The following STK32C variants were observed in gnomAD, a reference collection of about 807,000 sequenced individuals.
The protein encoded by STK32C is serine/threonine-protein kinase 32C.
STK32C carries 31 observed loss-of-function variants against 56.5 expected under a neutral mutation model. The ratio of observed to expected loss-of-function variants is 0.55; its 90% CI spans 0.41 to 0.74. STK32C has a LOEUF of 0.74. Among genes scored for constraint, STK32C ranks in the 30% least tolerant of loss-of-function variants. The pLI, the probability that STK32C is intolerant of heterozygous loss-of-function variation, is 0.00. For missense variants in STK32C, 544 were observed against 676.9 expected (o/e 0.80, Z 2.18); for synonymous variants, 309 against 289.4 (o/e 1.07, Z -0.69).
chr10:132,261,153 C>T (rs754666965), intron 1 of STK32C, among the ~76,000 whole-genome samples: 7 of 152,164 alleles, frequency 4.6e-5, no homozygotes, highest in Non-Finnish European at 8.8e-5. Context: ...GCGGAGGACT[C>T]GGGGACTACG....
chr10:132,224,621 C>G, intron 7 of STK32C, 98 bp from the exon 8 acceptor site: 1 of 844,870 alleles, frequency 1.2e-6, no homozygotes, highest in Non-Finnish European at 1.9e-6. Flanking sequence ...AGGACCCCCT[C>G]CCCCCACCCC....
At chr10:132,282,075 C>T (rs904792646) in intron 1 of STK32C, among the ~76,000 whole-genome samples, 6 of 152,228 alleles carry the variant, frequency 3.9e-5, no homozygotes, top group Non-Finnish European at 5.9e-5. Flanking sequence ...GCAGCCCAGC[C>T]GCTCCGGGGG....
rs145410880 is a variant in STK32C at position 132,208,025 on chromosome 10, C to T, written c.1446G>A (p.Ser482=). Residue 482 remains serine (S), a synonymous_variant, in exon 12 of 12, where the codon TCG becomes TCA. Coordinates refer to ENST00000298630, the MANE Select transcript of STK32C (RefSeq NM_173575.4). ...ALPMCGPICP[S]AGSG is the part of the protein sequence containing the mutation. The stretch of plus-strand genomic sequence containing the variant: ...GCGTCCCGGCCTAGCCGCTCCCGGC[C>T]GAGGGGCAAATGGGGCCGCACATGG... The T allele has an allele frequency of 8.9e-4, 1,168 of 1,309,852 alleles. 10 individuals carry two copies. Among genetic ancestry groups the T allele is most frequent in the East Asian group, 1.3e-3 (46 of 35,566 alleles). The allele number at this position is 1,309,852 out of a possible 1,614,324, so 81.1% of individuals were successfully genotyped here.
chr10:132,208,042 C>G lies in STK32C; in HGVS notation c.1429G>C (p.Gly477Arg), dbSNP rs368379004. 9.9e-6 allele frequency: 13 copies of G among 1,310,870 alleles called. No homozygotes were observed. The highest frequency in any genetic ancestry group is 1.2e-5 in the Non-Finnish European group (12 of 1,022,346). The allele number at this position is 1,310,870 out of a possible 1,614,324, so 81.2% of individuals were successfully genotyped here. The change falls in exon 12 of 12, where the codon GGC (glycine) becomes CGC (arginine). Residue 477 changes from glycine (G) to arginine (R), a missense_variant. Gly to Arg is a moderately radical substitution (Grantham distance 125, BLOSUM62 -2). This residue lies in a region of STK32C where 277 missense variants were observed against 309.3 expected (regional missense o/e 0.90). Transcript: ENST00000298630. ...CTCCCGGCCGAGGGGCAAATGGGGC[C>G]GCACATGGGCAGGGCGGAGCGTTCC... Reference protein sequence around the residue: ...EAERSALPMCGPICPSAGSG With the variant: ...EAERSALPMCRPICPSAGSG
intron 1 of STK32C, among the ~76,000 whole-genome samples, chr10:132,317,505 C>G (rs1034430014): frequency 5.3e-5 from 8 of 152,340 alleles, no homozygotes; most frequent in African/African-American, 1.9e-4. Context: ...ATATAGGACA[C>G]TTGGCCGGGA....
chr10:132,301,803 C>T (rs954381334), intron 1 of STK32C, among the ~76,000 whole-genome samples: 11 of 152,224 alleles, frequency 7.2e-5, no homozygotes, highest in African/African-American at 1.9e-4. Context: ...CACCGCGAGG[C>T]GCCCTCTGAT....
At chr10:132,296,689 C>T (rs1203947778) in intron 1 of STK32C, among the ~76,000 whole-genome samples, 2 of 152,202 alleles carry the variant, frequency 1.3e-5, no homozygotes, top group African/African-American at 2.4e-5. Context: ...AGAAAGAGAT[C>T]GTCCTGGCAC....
In STK32C at chr10:132,264,493, C is replaced by T. The variant is rs541548412; in HGVS notation, c.263-18538G>A. Among the ~76,000 whole-genome samples, 3 of 152,240 alleles carry T rather than the reference C, an allele frequency of 2.0e-5. No individual in the cohort carries two copies. The South Asian group carries it at 6.2e-4, about 32-fold the overall frequency. On this transcript the variant is annotated intron_variant, in intron 1 of 11. Coordinates refer to ENST00000298630, the MANE Select transcript of STK32C (RefSeq NM_173575.4). The stretch of plus-strand genomic sequence containing the variant: ...AAGGGACAGAGCTTTGTGCTGCACC[C>T]CAGCACTGCTGGCACATCCTGCTGG...
At chr10:132,250,089 G>A (rs1044169617) in intron 1 of STK32C, among the ~76,000 whole-genome samples, 2 of 152,238 alleles carry the variant, frequency 1.3e-5, no homozygotes, top group African/African-American at 4.8e-5. Flanking sequence ...CGGTGTCTAC[G>A]GAGTCCATCA....
At chr10:132,257,130 G>C (rs2064150232) in intron 1 of STK32C, among the ~76,000 whole-genome samples, 1 of 152,168 alleles carries the variant, frequency 6.6e-6, no homozygotes, top group Non-Finnish European at 1.5e-5. Flanking sequence ...GCTGGGGGCT[G>C]CCCATGAGGC....
intron 1 of STK32C, among the ~76,000 whole-genome samples, chr10:132,325,568 G>A (rs527497516): frequency 6.6e-6 from 1 of 151,440 alleles, no homozygotes; most frequent in African/African-American, 2.4e-5. Context: ...AAAAAAAGGG[G>A]GAGTTCCCTG....
chr10:132,265,670 G>A (rs550145350), intron 1 of STK32C, among the ~76,000 whole-genome samples: 1 of 152,356 alleles, frequency 6.6e-6, no homozygotes, highest in South Asian at 2.1e-4. Context: ...ACACAAGGCA[G>A]TAATAAATGG....
At chr10:132,294,830 G>A (rs982517471) in intron 1 of STK32C, among the ~76,000 whole-genome samples, 6 of 152,110 alleles carry the variant, frequency 3.9e-5, no homozygotes, top group Admixed American at 6.5e-5. Flanking sequence ...CCCCTTCCCC[G>A]GAAGTCCTGA....
chr10:132,229,345 A>G (rs917849616), intron 2 of STK32C, among the ~76,000 whole-genome samples: 3 of 152,150 alleles, frequency 2.0e-5, no homozygotes, highest in Non-Finnish European at 4.4e-5. Flanking sequence ...TCCTGGCTGC[A>G]TGCCCGGAAA....
rs1229834488 is a variant in STK32C, at chr10:132,209,015, C to T, written c.1319+19G>A. On this transcript the variant is annotated intron_variant, in intron 11 of 11. Transcript: ENST00000298630. ...TCCTCCTCTCTGCCACCACGCCCAC[C>T]CACCCCCAACACACTCACTTTTCTC... The T allele has an allele frequency of 8.7e-6, 14 of 1,611,222 alleles. No individual in the cohort carries two copies. Among genetic ancestry groups the T allele is most frequent in the Non-Finnish European group, 1.1e-5 (13 of 1,177,924 alleles).
intron 1 of STK32C, among the ~76,000 whole-genome samples, chr10:132,315,005 A>G (rs1467266166): frequency 6.6e-6 from 1 of 152,148 alleles, no homozygotes; most frequent in Non-Finnish European, 1.5e-5. Context: ...GTGGTGGCGC[A>G]TGTCTGTAAT....
At chr10:132,234,431 T>G (rs2063205028) in intron 2 of STK32C, among the ~76,000 whole-genome samples, 1 of 152,294 alleles carries the variant, frequency 6.6e-6, no homozygotes, top group East Asian at 1.9e-4. Flanking sequence ...GTTTGCCCAC[T>G]TCGCTTTTTC....
intron 1 of STK32C, among the ~76,000 whole-genome samples, chr10:132,248,309 T>C (rs1190906978): frequency 6.6e-6 from 1 of 152,060 alleles, no homozygotes; most frequent in African/African-American, 2.4e-5. Context: ...GCAGGGGAGA[T>C]GGGGACACCA....
intron 1 of STK32C, among the ~76,000 whole-genome samples, chr10:132,326,184 A>G (rs1291788451): frequency 6.6e-6 from 1 of 152,188 alleles, no homozygotes; most frequent in Non-Finnish European, 1.5e-5. Context: ...CGCCCCACAA[A>G]AGACAGCTTT....
Sources: gnomAD v4.1 joint callset for allele counts (sites outside exome capture counted in the v4.1 genomes callset) on GRCh38, gnomAD v4.1.1 for gene constraint, gnomAD v4.1.1 regional missense constraint, MANE v1.5 for transcripts, NCBI Gene and HGNC (gene_info 2026-07-23, HGNC 2026-07-21) for gene names.